Variants in STAP2 observed in about 807,000 individuals in gnomAD.
STAP2 encodes signal-transducing adaptor protein 2.
In STAP2, 58 loss-of-function variants were observed where a neutral mutation model predicts 52.7. The ratio of observed to expected loss-of-function variants is 1.10; its 90% CI spans 0.89 to 1.37. STAP2 has a LOEUF of 1.37. Among genes scored for constraint, STAP2 ranks in the 40% most tolerant of loss-of-function variants. The pLI is 0.00. For synonymous variants in STAP2, 231 were observed against 210.5 expected (o/e 1.10, Z -0.84); for missense variants, 522 against 519.4 (o/e 1.00, Z -0.05).
At chr19:4,329,422 C>T (rs1971851775) in intron 5 of STAP2, among the ~76,000 whole-genome samples, 1 of 151,950 alleles carries the variant, frequency 6.6e-6, no homozygotes. Context: ...TAATTCTGGC[C>T]CCGGAGATGC....
At chr19:4,333,230 C>T (rs141730720) in intron 3 of STAP2, among the ~76,000 whole-genome samples, 18 of 151,600 alleles carry the variant, frequency 1.2e-4, no homozygotes, top group African/African-American at 3.9e-4. Context: ...CACGGTGGCT[C>T]ACGCCTATAA....
At chr19:4,336,223 C>T (rs1971977972) in intron 1 of STAP2, among the ~76,000 whole-genome samples, 1 of 151,296 alleles carries the variant, frequency 6.6e-6, no homozygotes, top group Non-Finnish European at 1.5e-5. Context: ...ATATGTTGGC[C>T]AGGGTGTTCT....
At position 4,328,373 on chromosome 19, in the gene STAP2, T is replaced by C. The variant is rs183750816; in HGVS notation, c.590+302A>G. On this transcript the variant is annotated intron_variant, in intron 6 of 12. Transcript: ENST00000594605. The stretch of plus-strand genomic sequence containing the variant: ...AGCGTAGCTCTGATTCCGCCACCAG[T>C]GTACTCTGCTCAGCTCTGACTCCAC... 1,891 of 281,904 alleles carry C rather than the reference T, an allele frequency of 6.7e-3. 3 individuals carry two copies. Among genetic ancestry groups the C allele is most frequent in the Non-Finnish European group, 0.011 (1,611 of 149,858 alleles). The allele number at this position is 281,904 out of a possible 1,614,324, so 17.5% of individuals were successfully genotyped here.
chr19:4,336,805 T>C (rs562574284), intron 1 of STAP2, among the ~76,000 whole-genome samples: 1 of 151,862 alleles, frequency 6.6e-6, no homozygotes, highest in Non-Finnish European at 1.5e-5. Context: ...AGCTAATTTT[T>C]GTATTTTTTA....
intron 1 of STAP2, among the ~76,000 whole-genome samples, chr19:4,335,007 AATCCATCCACCC>A (rs1172043641): frequency 1.5e-4 from 4 of 26,300 alleles, no homozygotes; most frequent in Middle Eastern, 0.021. Flanking sequence ...CCCACTCATC[AATCCATCCACCC>A]ATCCATCCAC....
intron 1 of STAP2, among the ~76,000 whole-genome samples, chr19:4,336,049 G>A (rs1251049687): frequency 1.3e-5 from 2 of 152,066 alleles, no homozygotes; most frequent in Non-Finnish European, 2.9e-5. Flanking sequence ...GTCTTGCTCT[G>A]TCGCCCAGGC....
At chr19:4,331,760 G>A (rs898659632) in intron 4 of STAP2, among the ~76,000 whole-genome samples, 18 of 149,608 alleles carry the variant, frequency 1.2e-4, no homozygotes, top group Non-Finnish European at 1.9e-4. Flanking sequence ...GTGAAACCCC[G>A]TCTCTACTAA....
chr19:4,334,968 A>G (rs1197144507), intron 1 of STAP2, among the ~76,000 whole-genome samples: 1 of 125,328 alleles, frequency 8.0e-6, no homozygotes, highest in East Asian at 2.6e-4. Flanking sequence ...CCATCCACCC[A>G]CTCATCCATC....
Position 4,333,694 on chromosome 19 carries a change from C to T in STAP2, c.297G>A (p.Lys99=). ...TGCACCCCTCCAGCAAGGGACCTAC[C>T]TTGAACTTGATCTCCTGATCCCGGA... ...LILRDQEIKF[K]VETLECREMW... The change falls in exon 3 of 13, where the codon AAG becomes AAA. Residue 99 remains lysine, a splice_region_variant and synonymous_variant. Coordinates refer to ENST00000594605, the MANE Select transcript of STAP2 (RefSeq NM_001013841.2). 1 of 1,611,610 alleles carries T rather than the reference C, an allele frequency of 6.2e-7. No individual in the cohort carries two copies. Among genetic ancestry groups the T allele is most frequent in the Non-Finnish European group, 8.5e-7 (1 of 1,179,806 alleles).
At chr19:4,326,848 G>T in intron 9 of STAP2, 94 bp downstream of exon 9, 1 of 1,435,832 alleles carries the variant, frequency 7.0e-7, no homozygotes, top group Non-Finnish European at 9.5e-7. Context: ...AACATCAGAT[G>T]CAGGAGGTGC....
At chr19:4,332,341 G>A (rs1971907436) in intron 3 of STAP2, among the ~76,000 whole-genome samples, 1 of 150,626 alleles carries the variant, frequency 6.6e-6, no homozygotes, top group African/African-American at 2.4e-5. Flanking sequence ...CTGAGTAGCT[G>A]GGACTACAGG....
intron 3 of STAP2, among the ~76,000 whole-genome samples, chr19:4,332,538 A>G (rs1462792789): frequency 6.6e-6 from 1 of 151,968 alleles, no homozygotes; most frequent in African/African-American, 2.4e-5. Flanking sequence ...TTATATCAAC[A>G]TTTGAAAAAC....
At chr19:4,326,252 CTG>C (rs1219294868) in intron 9 of STAP2, among the ~76,000 whole-genome samples, 1 of 152,194 alleles carries the variant, frequency 6.6e-6, no homozygotes, top group African/African-American at 2.4e-5. Flanking sequence ...TTGTATGTGA[CTG>C]GAATTGGGGC....
rs1330483199 is a variant in STAP2 at position 4,332,064 on chromosome 19, C to T, written c.312G>A (p.Glu104=). ...QEIKFKVETL[E]CREMWKGFIL... is the part of the protein sequence containing the mutation. ...TGAAGCCTTTCCACATTTCCCGACA[C>T]TCCAAGGTCTCTACCTGGGGAACAA... is the stretch of plus-strand genomic sequence containing the variant. The change falls in exon 4 of 13, where the codon GAG becomes GAA. Residue 104 remains glutamate (E), a synonymous_variant. Coordinates refer to ENST00000594605, the MANE Select transcript of STAP2 (RefSeq NM_001013841.2). 1 of 1,612,950 alleles carries T rather than the reference C, an allele frequency of 6.2e-7. No homozygotes were observed. Among genetic ancestry groups the T allele is most frequent in the East Asian group, 2.2e-5 (1 of 44,826 alleles).
rs1416624959 is a variant in STAP2 at position 4,328,721 on chromosome 19, C to G, written c.544G>C (p.Asp182His). ...GTGACCGACACGCCGTCGGCGCCGT[C>G]CCCGCTGGGCCGCAGCAGCAGGTTC... ...CGNLLLRPSG[D>H]GADGVSVTTR... The change falls in exon 6 of 13, where the codon GAC becomes CAC. Residue 182 changes from aspartate to histidine, a missense_variant. Physicochemically the swap from Asp to His is moderately conservative, Grantham distance 81 (BLOSUM62 -1). Coordinates refer to ENST00000594605, the MANE Select transcript of STAP2 (RefSeq NM_001013841.2). 5 of 1,608,014 alleles carry G rather than the reference C, an allele frequency of 3.1e-6. No individual in the cohort carries two copies. Among genetic ancestry groups the G allele is most frequent in the African/African-American group, 1.3e-5 (1 of 74,800 alleles).
chr19:4,327,258 T>C, intron 7 of STAP2, 32 bp from the exon 8 acceptor site: 2 of 1,613,824 alleles, frequency 1.2e-6, no homozygotes, highest in African/African-American at 1.3e-5. Context: ...GTCAGGCTGC[T>C]GGAGAAGGGA....
chr19:4,334,163 G>C, intron 1 of STAP2, 119 bp from the exon 2 acceptor site: 1 of 733,738 alleles, frequency 1.4e-6, no homozygotes, highest in South Asian at 2.0e-5. Flanking sequence ...GCTGCCCCCA[G>C]ATCTTTATTA....
At chr19:4,324,390 C>T in intron 12 of STAP2, 65 bp downstream of exon 12, 1 of 1,437,180 alleles carries the variant, frequency 7.0e-7, no homozygotes, top group Non-Finnish European at 9.4e-7. Context: ...AGTGTGGGGA[C>T]TTGTGTGACT....
intron 9 of STAP2, among the ~76,000 whole-genome samples, chr19:4,326,459 C>T (rs1471730923): frequency 6.6e-6 from 1 of 152,144 alleles, no homozygotes; most frequent in Non-Finnish European, 1.5e-5. Context: ...AGTGTGTTCT[C>T]TGCCTCCTCT....
Sources: gnomAD v4.1 joint callset for allele counts (sites outside exome capture counted in the v4.1 genomes callset) on GRCh38, gnomAD v4.1.1 for gene constraint, MANE v1.5 for transcripts, NCBI Gene and HGNC (gene_info 2026-07-23, HGNC 2026-07-21) for gene names.